The following LRP1B variants were observed in gnomAD, a reference collection of about 807,000 sequenced individuals.
The protein encoded by LRP1B is LDL receptor related protein 1B, also known as low-density lipoprotein receptor-related protein 1B.
A neutral mutation model predicts 556.6 loss-of-function variants in LRP1B; 217 were observed. The ratio of observed to expected loss-of-function variants is 0.39; its 90% CI spans 0.35 to 0.44. The LOEUF (loss-of-function observed/expected upper bound fraction) is 0.44, where lower values mean the gene tolerates loss of function less well. Ranked by LOEUF, LRP1B falls within the 20% of genes least tolerant of loss-of-function variation. LRP1B has a pLI of 1.00. For missense variants in LRP1B, 5,053 were observed against 5,620.8 expected (o/e 0.90, Z 3.23); for synonymous variants, 2,047 against 1,865.8 (o/e 1.10, Z -2.50).
At chr2:141,357,319 T>A (rs1421975285) in intron 3 of LRP1B, among the ~76,000 whole-genome samples, 4 of 152,118 alleles carry the variant, frequency 2.6e-5, no homozygotes, top group Non-Finnish European at 1.5e-5. Context: ...TTCCAATGTG[T>A]TCACTTTTTG....
chr2:142,040,134 A>G (rs1704014250), intron 1 of LRP1B, among the ~76,000 whole-genome samples: 1 of 151,432 alleles, frequency 6.6e-6, no homozygotes, highest in Non-Finnish European at 1.5e-5. Flanking sequence ...ATTAGAATAT[A>G]TTTTTAACTT....
chr2:140,328,534 G>A (rs1680619129), intron 79 of LRP1B, among the ~76,000 whole-genome samples: 1 of 151,312 alleles, frequency 6.6e-6, no homozygotes, highest in South Asian at 2.1e-4. Context: ...ACAGTATTAA[G>A]AGGCAGGACT....
chr2:141,273,181 T>A (rs1685154128), intron 3 of LRP1B, among the ~76,000 whole-genome samples: 1 of 152,010 alleles, frequency 6.6e-6, no homozygotes, highest in Admixed American at 6.6e-5. Flanking sequence ...TAGTGGCTCA[T>A]GCCTGTACTC....
At chr2:141,358,848 T>C (rs1171004975) in intron 3 of LRP1B, among the ~76,000 whole-genome samples, 3 of 152,168 alleles carry the variant, frequency 2.0e-5, no homozygotes, top group African/African-American at 7.2e-5. Context: ...ATATAAAACA[T>C]TGTATTCTAC....
At chr2:140,994,258 T>C (rs1697178052) in intron 15 of LRP1B, 123 bp from the exon 16 acceptor site, 1 of 757,094 alleles carries the variant, frequency 1.3e-6, no homozygotes, top group East Asian at 2.6e-5. Context: ...GAGGTATTTG[T>C]CCTTCTCTGT....
intron 1 of LRP1B, among the ~76,000 whole-genome samples, chr2:141,941,296 A>G (rs1033186419): frequency 3.9e-5 from 6 of 152,206 alleles, no homozygotes; most frequent in African/African-American, 9.6e-5. Flanking sequence ...AAGCCCCAGT[A>G]GCAAGTAGAA....
At chr2:141,836,086 C>T (rs1237572315) in intron 1 of LRP1B, among the ~76,000 whole-genome samples, 1 of 151,980 alleles carries the variant, frequency 6.6e-6, no homozygotes, top group Non-Finnish European at 1.5e-5. Context: ...GCTGCCAAAT[C>T]TGTGCCTAAC....
intron 2 of LRP1B, among the ~76,000 whole-genome samples, chr2:141,777,400 A>T (rs1430012824): frequency 6.6e-6 from 1 of 152,146 alleles, no homozygotes; most frequent in African/African-American, 2.4e-5. Flanking sequence ...AATGACTTTT[A>T]TTTATTTTTA....
intron 41 of LRP1B, among the ~76,000 whole-genome samples, chr2:140,616,215 A>G (rs949038489): frequency 6.6e-6 from 1 of 152,000 alleles, no homozygotes; most frequent in Non-Finnish European, 1.5e-5. Flanking sequence ...ATATTCAGGT[A>G]CATTGGCCTA....
intron 1 of LRP1B, among the ~76,000 whole-genome samples, chr2:141,964,858 C>A (rs1701509611): frequency 6.6e-6 from 1 of 150,960 alleles, no homozygotes; most frequent in South Asian, 2.1e-4. Flanking sequence ...TGACAAAGGG[C>A]TAATATCCAG....
intron 11 of LRP1B, among the ~76,000 whole-genome samples, chr2:141,043,522 G>A (rs1358025982): frequency 6.6e-6 from 1 of 151,772 alleles, no homozygotes; most frequent in Admixed American, 6.6e-5. Flanking sequence ...TTTAATTATA[G>A]GATCTATGGA....
At chr2:141,721,761 T>A (rs960821199) in intron 2 of LRP1B, among the ~76,000 whole-genome samples, 18 of 152,172 alleles carry the variant, frequency 1.2e-4, no homozygotes, top group African/African-American at 3.9e-4. Flanking sequence ...TTACCAAGTT[T>A]TTCTGGTGCA....
intron 3 of LRP1B, among the ~76,000 whole-genome samples, chr2:141,329,645 A>AC (rs1175699646): frequency 2.6e-5 from 1 of 38,480 alleles, no homozygotes; most frequent in Non-Finnish European, 6.0e-5. Context: ...CTCTGTCTCA[A>AC]AAAAAAAAAA....
chr2:141,604,885 G>A (rs1374627623), intron 2 of LRP1B, among the ~76,000 whole-genome samples: 1 of 151,930 alleles, frequency 6.6e-6, no homozygotes, highest in East Asian at 2.0e-4. Flanking sequence ...ACTTGGATGC[G>A]AGACAAGAAC....
chr2:142,048,840 A>G (rs1704347575), intron 1 of LRP1B, among the ~76,000 whole-genome samples: 1 of 152,110 alleles, frequency 6.6e-6, no homozygotes, highest in Non-Finnish European at 1.5e-5. Flanking sequence ...GGACTAATAA[A>G]GAGAAGATTC....
intron 1 of LRP1B, among the ~76,000 whole-genome samples, chr2:142,008,161 G>GTAGCCTAACTCAAA (rs1208034215): frequency 6.6e-6 from 1 of 152,106 alleles, no homozygotes; most frequent in Non-Finnish European, 1.5e-5. Flanking sequence ...TACCCAAGTG[G>GTAGCCTAACTCAAA]GCACATAGAT....
At chr2:140,758,912 C>T (rs1688828181) in intron 35 of LRP1B, among the ~76,000 whole-genome samples, 1 of 151,854 alleles carries the variant, frequency 6.6e-6, no homozygotes, top group South Asian at 2.1e-4. Flanking sequence ...ATTATGAATC[C>T]TCTTATTCAG....
chr2:140,589,455 C>CAG (rs1186883445), intron 43 of LRP1B, among the ~76,000 whole-genome samples: 1 of 152,088 alleles, frequency 6.6e-6, no homozygotes, highest in African/African-American at 2.4e-5. Flanking sequence ...ACATTTATTA[C>CAG]AGAGAGTGAA....
At chr2:141,603,328 A>ATGTATGTG (rs781455144) in intron 2 of LRP1B, among the ~76,000 whole-genome samples, 21 of 152,176 alleles carry the variant, frequency 1.4e-4, no homozygotes, top group Non-Finnish European at 2.9e-5. Context: ...TCAGTTGAAT[A>ATGTATGTG]TGTATGTGTG....
Sources: gnomAD v4.1 joint callset for allele counts (sites outside exome capture counted in the v4.1 genomes callset) on GRCh38, gnomAD v4.1.1 for gene constraint, MANE v1.5 for transcripts, NCBI Gene and HGNC (gene_info 2026-07-23, HGNC 2026-07-21) for gene names.